JAKMIP1: variants seen among roughly 807,000 people sequenced by gnomAD.
JAKMIP1 encodes janus kinase and microtubule-interacting protein 1.
Under a neutral mutation model 113.0 loss-of-function variants are expected in JAKMIP1, and 33 were observed. That is an observed-to-expected ratio of 0.29 (90% CI 0.22 to 0.39). The LOEUF (loss-of-function observed/expected upper bound fraction) is 0.39, where lower values mean the gene tolerates loss of function less well. Ranked by LOEUF, JAKMIP1 falls within the 10% of genes least tolerant of loss-of-function variation. JAKMIP1 has a pLI of 1.00. For missense variants in JAKMIP1, 813 were observed against 1,080.5 expected (o/e 0.75, Z 3.47); for synonymous variants, 480 against 459.9 (o/e 1.04, Z -0.56).
At position 6,200,522 on chromosome 4, in the gene JAKMIP1, G is replaced by C. The variant is rs1728327326; in HGVS notation, c.-417C>G. The stretch of plus-strand genomic sequence containing the variant: ...ACTGGTGGCCGCGATCCGGGCAGGC[G>C]GCCGGCGCGTGCCGCACGCGGGTGG... On this transcript the variant is annotated 5_prime_UTR_variant, in exon 1 of 21. Transcript: ENST00000409021. The surrounding 1 kb of genome is among the most constrained non-coding windows in gnomAD (Gnocchi z 7.0). 6.6e-6 allele frequency: 1 copy of C among 150,578 alleles called. No individual in the cohort carries two copies. 9.3% of individuals were successfully genotyped at this position (150,578 alleles called of 1,614,324 possible).
chr4:6,159,318 G>T (rs757115525), intron 1 of JAKMIP1, among the ~76,000 whole-genome samples: 2 of 151,914 alleles, frequency 1.3e-5, no homozygotes, highest in Non-Finnish European at 2.9e-5. Context: ...GACTCTGGAG[G>T]AGGAGAGAAA....
At position 6,142,088 on chromosome 4, in the gene JAKMIP1, G is replaced by C. The variant is rs1371929129; in HGVS notation, c.-147-29091C>G. The stretch of plus-strand genomic sequence containing the variant: ...TTTTTACTTAAACTCATGTCTATCA[G>C]TCATTTTCTAGCTTGTCTTTTCCTC... On this transcript the variant is annotated intron_variant, in intron 1 of 20. Transcript: ENST00000409021. This position sits in a 1 kb window ranked among gnomAD's most constrained non-coding sequence, Gnocchi z 5.5. Among the ~76,000 whole-genome samples, 1 of 142,926 alleles carries C rather than the reference G, an allele frequency of 7.0e-6. No individual in the cohort carries two copies. The highest frequency in any genetic ancestry group is 2.6e-5 in the African/African-American group (1 of 38,272). The allele number at this position is 142,926 out of a possible 152,430, so 93.8% of individuals were successfully genotyped here.
At chr4:6,058,364 G>A (rs969433325) in intron 11 of JAKMIP1, among the ~76,000 whole-genome samples, 1 of 152,206 alleles carries the variant, frequency 6.6e-6, no homozygotes, top group Non-Finnish European at 1.5e-5. Flanking sequence ...CTCCTATGTA[G>A]CTGTTAGATA....
intron 1 of JAKMIP1, among the ~76,000 whole-genome samples, chr4:6,182,030 T>C (rs1249862807): frequency 1.3e-5 from 2 of 152,152 alleles, no homozygotes; most frequent in East Asian, 3.8e-4. Context: ...TGAATGTTTA[T>C]GTCCCCCCAA....
In JAKMIP1 at chr4:6,180,321, C is replaced by G. The variant is rs1157508713; in HGVS notation, c.-148+19932G>C. 1.3e-5 allele frequency among the ~76,000 whole-genome samples: 2 copies of G among 152,156 alleles called. No individual in the cohort carries two copies. Among genetic ancestry groups the G allele is most frequent in the Non-Finnish European group, 2.9e-5 (2 of 68,026 alleles). ...GAAATGAGAGTTGTTTATCAACATT[C>G]AAGAGAACATAATGAAGCTTCCTTT... On this transcript the variant is annotated intron_variant, in intron 1 of 20. Coordinates refer to ENST00000409021, the MANE Select transcript of JAKMIP1 (RefSeq NM_001099433.2). This position sits in a 1 kb window ranked among gnomAD's most constrained non-coding sequence, Gnocchi z 4.5.
rs1331460532 is a variant in JAKMIP1, at chr4:6,062,359, G to A, written c.1513C>T (p.Leu505Phe). 1 of 1,613,626 alleles carries A rather than the reference G, an allele frequency of 6.2e-7. No homozygotes were observed. The highest frequency in any genetic ancestry group is 1.3e-5 in the African/African-American group (1 of 75,070). Residue 505 changes from leucine to phenylalanine, a missense_variant, in exon 10 of 21, where the codon CTC becomes TTC. By Grantham distance (22) the Leu-to-Phe change is conservative. Around this residue, in one of 2 missense-constraint regions of JAKMIP1, gnomAD observed 273 missense variants for 426.6 expected, o/e 0.64. Transcript: ENST00000409021. The part of the protein sequence containing the change: ...YQALQRAYAL[L>F]QEQVGGTLDA... ...AGCGTGCCTCCCACCTGCTCCTGGA[G>A]CAGGGCGTAGGCGCGTTGCAGGGCC...
rs570664089 is a variant in JAKMIP1, at chr4:6,181,168, G to C, written c.-148+19085C>G. Among the ~76,000 whole-genome samples, 20 of 152,122 alleles carry C rather than the reference G, an allele frequency of 1.3e-4. No individual in the cohort carries two copies. Among genetic ancestry groups the C allele is most frequent in the Non-Finnish European group, 2.6e-4 (18 of 68,030 alleles). On this transcript the variant is annotated intron_variant, in intron 1 of 20. Transcript: ENST00000409021. The surrounding 1 kb of genome is among the most constrained non-coding windows in gnomAD (Gnocchi z 5.4). ...GATATGACTAGATGCTGAACAGGGCGCTCCTTGACAGACACCTACCAAACA... is the reference window on the plus strand; with the variant it reads ...GATATGACTAGATGCTGAACAGGGCCCTCCTTGACAGACACCTACCAAACA...
In JAKMIP1 at chr4:6,040,774, T is replaced by C; in HGVS notation, c.2098-58A>G. 7.3e-7 allele frequency: 1 copy of C among 1,378,394 alleles called. No individual in the cohort carries two copies. The highest frequency in any genetic ancestry group is 1.0e-6 in the Non-Finnish European group (1 of 973,518). The allele number at this position is 1,378,394 out of a possible 1,614,324, so 85.4% of individuals were successfully genotyped here. A position where few individuals can be genotyped will look rare whatever the true frequency, so the allele number is the denominator to read the frequency against. ...CGTCAGAACAGGAATCCATGACAGC[T>C]TCAGAGCCCGTTTGCTAGAGAGTGG... is the stretch of plus-strand genomic sequence containing the variant. On this transcript the variant is annotated intron_variant, in intron 17 of 20. Transcript: ENST00000409021. The surrounding 1 kb of genome is among the most constrained non-coding windows in gnomAD (Gnocchi z 5.8).
At chr4:6,053,467 C>T (rs1052567777) in intron 13 of JAKMIP1, among the ~76,000 whole-genome samples, 5 of 152,206 alleles carry the variant, frequency 3.3e-5, no homozygotes, top group African/African-American at 4.8e-5. Context: ...TTTTCTTAAA[C>T]GCCTATGCAA....
At chr4:6,159,244 T>C (rs1722609545) in intron 1 of JAKMIP1, among the ~76,000 whole-genome samples, 1 of 151,924 alleles carries the variant, frequency 6.6e-6, no homozygotes, top group African/African-American at 2.4e-5. Context: ...AACTTTCTCA[T>C]GTGGATTACA....
intron 3 of JAKMIP1, among the ~76,000 whole-genome samples, chr4:6,104,840 G>A (rs962981645): frequency 1.3e-5 from 2 of 152,092 alleles, no homozygotes; most frequent in Non-Finnish European, 2.9e-5. Flanking sequence ...GCTGGCCTAG[G>A]TGGGGCTCCT....
Position 6,040,202 on chromosome 4 carries a change from C to T in JAKMIP1, c.2175+437G>A, listed in dbSNP as rs576277417. ...TGCAACCCAAATGCAGTATTACATC[C>T]GACCTTATACCTCGTCCCTTCGGTT... On this transcript the variant is annotated intron_variant, in intron 18 of 20. Transcript: ENST00000409021. The surrounding 1 kb of genome is among the most constrained non-coding windows in gnomAD (Gnocchi z 5.8). Among the ~76,000 whole-genome samples the T allele has an allele frequency of 5.9e-5, 9 of 152,196 alleles. No homozygotes were observed. Among genetic ancestry groups the T allele is most frequent in the Non-Finnish European group, 8.8e-5 (6 of 68,050 alleles).
chr4:6,104,068 A>C (rs925485626), intron 3 of JAKMIP1, among the ~76,000 whole-genome samples: 1 of 151,880 alleles, frequency 6.6e-6, no homozygotes, highest in Non-Finnish European at 1.5e-5. Context: ...GATTTTCAGC[A>C]TTTCTTCTTT....
At chr4:6,070,645 G>A (rs947156138) in intron 8 of JAKMIP1, among the ~76,000 whole-genome samples, 3 of 152,226 alleles carry the variant, frequency 2.0e-5, no homozygotes, top group Admixed American at 6.5e-5. Context: ...CAATGGCAAC[G>A]CCACGATAGA....
intron 16 of JAKMIP1, among the ~76,000 whole-genome samples, chr4:6,043,480 T>C (rs1319880749): frequency 2.0e-5 from 3 of 151,744 alleles, no homozygotes; most frequent in Non-Finnish European, 2.9e-5. Flanking sequence ...CTCTGAAATG[T>C]CTCATACCCA....
chr4:6,093,718 T>C lies in JAKMIP1; in HGVS notation c.625-8089A>G, dbSNP rs1341214439. Among the ~76,000 whole-genome samples the C allele has an allele frequency of 3.3e-5, 5 of 152,114 alleles. No homozygotes were observed. Among genetic ancestry groups the C allele is most frequent in the African/African-American group, 1.2e-4 (5 of 41,422 alleles). On this transcript the variant is annotated intron_variant, in intron 3 of 20. Transcript: ENST00000409021. The surrounding 1 kb of genome is among the most constrained non-coding windows in gnomAD (Gnocchi z 4.6). Reference sequence around the variant, plus strand: ...CCTGTACAGGGAGGTGTGGCTGCCGTGCCCTGAAAAGTATCCTGTCTCCAG... The same window carrying C: ...CCTGTACAGGGAGGTGTGGCTGCCGCGCCCTGAAAAGTATCCTGTCTCCAG...
Position 6,156,031 on chromosome 4 carries a change from C to T in JAKMIP1, c.-147-43034G>A, listed in dbSNP as rs1036414283. Reference sequence around the variant, plus strand: ...TCAGTGCGTAGAACAGTGCCCAGCACAATAATGGATCTTCAAGAAATATTT... The same window carrying T: ...TCAGTGCGTAGAACAGTGCCCAGCATAATAATGGATCTTCAAGAAATATTT... On this transcript the variant is annotated intron_variant, in intron 1 of 20. Transcript: ENST00000409021. This position sits in a 1 kb window ranked among gnomAD's most constrained non-coding sequence, Gnocchi z 5.0. Among the ~76,000 whole-genome samples the T allele has an allele frequency of 1.3e-5, 2 of 152,192 alleles. No individual in the cohort carries two copies. Among genetic ancestry groups the T allele is most frequent in the African/African-American group, 4.8e-5 (2 of 41,444 alleles).
chr4:6,047,401 G>A (rs1432599976), intron 16 of JAKMIP1, among the ~76,000 whole-genome samples: 1 of 152,246 alleles, frequency 6.6e-6, no homozygotes, highest in East Asian at 1.9e-4. Context: ...AGCCACGGAG[G>A]GTTTTGCTGC....
intron 8 of JAKMIP1, among the ~76,000 whole-genome samples, chr4:6,066,413 T>C (rs1718083768): frequency 6.6e-6 from 1 of 152,202 alleles, no homozygotes; most frequent in Admixed American, 6.5e-5. Context: ...GGCACCTGTC[T>C]TTCTGCTCAC....
Sources: allele counts gnomAD v4.1 joint callset (sites outside exome capture counted in the v4.1 genomes callset), GRCh38; gene constraint gnomAD v4.1.1; regional missense constraint gnomAD v4.1.1; non-coding constraint Gnocchi (gnomAD v3.1); transcripts MANE v1.5; gene names NCBI Gene and HGNC (gene_info 2026-07-23, HGNC 2026-07-21).